CCND3: variants seen among roughly 807,000 people sequenced by gnomAD.
The protein encoded by CCND3 is G1/S-specific cyclin-D3.
CCND3 carries 9 observed loss-of-function variants against 28.7 expected under a neutral mutation model. That is an observed-to-expected ratio of 0.31 (90% CI 0.19 to 0.55). The LOEUF (loss-of-function observed/expected upper bound fraction) is 0.55. Among genes scored for constraint, CCND3 ranks in the 20% least tolerant of loss-of-function variants. The probability of loss-of-function intolerance (pLI) is 0.93; values close to 1 mark genes in which losing one functional copy is unlikely to be tolerated. For missense variants in CCND3, 315 were observed against 385.8 expected (o/e 0.82, Z 1.54); for synonymous variants, 164 against 163.9 (o/e 1.00, Z 0.00).
At chr6:41,995,811 T>C (rs1561978301) in intron 1 of CCND3, among the ~76,000 whole-genome samples, 2 of 151,756 alleles carry the variant, frequency 1.3e-5, no homozygotes, top group African/African-American at 4.8e-5. Context: ...CCTAACACTT[T>C]GGGAGGCCGA....
chr6:42,016,256 A>G (rs540813665), intron 1 of CCND3, among the ~76,000 whole-genome samples: 1 of 152,318 alleles, frequency 6.6e-6, no homozygotes, highest in East Asian at 1.9e-4. Flanking sequence ...TTTACTAACC[A>G]TAGTCACCAT....
intron 1 of CCND3, among the ~76,000 whole-genome samples, chr6:42,016,527 C>T (rs78141248): frequency 0.027 from 4,029 of 151,526 alleles, 179 homozygotes; most frequent in African/African-American, 0.09. Context: ...AGACTCACAA[C>T]ACTCAACACG....
intron 1 of CCND3, among the ~76,000 whole-genome samples, chr6:41,991,339 G>A (rs796486280): frequency 6.6e-5 from 10 of 152,316 alleles, no homozygotes; most frequent in African/African-American, 2.2e-4. Flanking sequence ...GATTATAGGC[G>A]TAAGCCACCA....
At position 41,935,980 on chromosome 6, in the gene CCND3, T is replaced by A. The variant is rs1259819210; in HGVS notation, c.839A>T (p.Gln280Leu). The change falls in exon 5 of 5, where the codon CAG (glutamine) becomes CTG (leucine). Residue 280 changes from glutamine (Q) to leucine (L), a missense_variant. By Grantham distance (113) the Gln-to-Leu change is moderately radical. Transcript: ENST00000372991. The part of the protein sequence containing the change: ...PRGSSSQGPS[Q>L]TSTPTDVTAI... ...TGTGACATCTGTAGGAGTGCTGGTC[T>A]GGCTGGGCCCTTGGCTGCTGGAGCC... 2.5e-6 allele frequency: 4 copies of A among 1,613,254 alleles called. No individual in the cohort carries two copies. In the African/African-American group the frequency reaches 5.3e-5, roughly 22 times the overall value.
Position 41,941,806 on chromosome 6 carries a change from G to A in CCND3, c.-157C>T. 1 of 328,876 alleles carries A rather than the reference G, an allele frequency of 3.0e-6. No homozygotes were observed. The highest frequency in any genetic ancestry group is 5.3e-6 in the Non-Finnish European group (1 of 188,332). 20.4% of individuals were successfully genotyped at this position (328,876 alleles called of 1,614,324 possible). ...GCCCGCGCGCGCGCGCCGCTTCCCT[G>A]ACAGGCGCCCCGCCCCTCGCGACGA... is the stretch of plus-strand genomic sequence containing the variant. On this transcript the variant is annotated 5_prime_UTR_variant, in exon 1 of 5. Transcript: ENST00000372991. This position sits in a 1 kb window ranked among gnomAD's most constrained non-coding sequence, Gnocchi z 6.1.
chr6:42,033,458 AT>A (rs199747361), intron 1 of CCND3, among the ~76,000 whole-genome samples: 4,396 of 113,210 alleles, frequency 0.039, 221 homozygotes, highest in African/African-American at 0.12. Flanking sequence ...TAAAAAAAAA[AT>A]ATATATATAT....
chr6:42,047,943 A>G (rs1042016863), intron 1 of CCND3: 1 of 152,424 alleles, frequency 6.6e-6, no homozygotes, highest in Admixed American at 6.5e-5. Context: ...AGCATTCCAT[A>G]TAATGCCAGG....
intron 1 of CCND3, among the ~76,000 whole-genome samples, chr6:41,969,123 C>T (rs1264182565): frequency 6.6e-6 from 1 of 152,028 alleles, no homozygotes; most frequent in Non-Finnish European, 1.5e-5. Flanking sequence ...AGACGGCTCC[C>T]CAGATTACAT....
In CCND3 at chr6:42,048,743, G is replaced by A. The variant is rs1411789325; in HGVS notation, c.-288C>T. Reference sequence around the variant, plus strand: ...AGCTGGGCAGGAAGTGGGGAAGAGGGGGCGGAGGAGACAAAGGGGCTGGTG... The same window carrying A: ...AGCTGGGCAGGAAGTGGGGAAGAGGAGGCGGAGGAGACAAAGGGGCTGGTG... On this transcript the variant is annotated 5_prime_UTR_variant, in exon 1 of 5. Coordinates refer to the CCND3 transcript ENST00000372988. The surrounding 1 kb of genome is among the most constrained non-coding windows in gnomAD (Gnocchi z 4.7). 1 of 489,516 alleles carries A rather than the reference G, an allele frequency of 2.0e-6. No individual in the cohort carries two copies. The allele number at this position is 489,516 out of a possible 1,614,324, so 30.3% of individuals were successfully genotyped here.
chr6:42,036,363 G>GGAGTGC (rs1185713402), intron 1 of CCND3, among the ~76,000 whole-genome samples: 11 of 125,804 alleles, frequency 8.7e-5, no homozygotes, highest in African/African-American at 3.3e-4. Context: ...TGCCCAGGCT[G>GGAGTGC]GAGTGCATAT....
At chr6:41,963,108 T>C (rs957693000) in intron 1 of CCND3, among the ~76,000 whole-genome samples, 11 of 152,234 alleles carry the variant, frequency 7.2e-5, no homozygotes, top group African/African-American at 2.7e-4. Context: ...TCCAGCCTTA[T>C]CTTTGCTTCC....
intron 1 of CCND3, among the ~76,000 whole-genome samples, chr6:41,975,371 A>G (rs1416045548): frequency 6.6e-6 from 1 of 152,118 alleles, no homozygotes; most frequent in Non-Finnish European, 1.5e-5. Flanking sequence ...AAGCGAGGGT[A>G]TCTCATTCCC....
intron 1 of CCND3, among the ~76,000 whole-genome samples, chr6:41,979,171 CAAAA>C (rs58797317): frequency 3.4e-5 from 3 of 87,528 alleles, no homozygotes; most frequent in African/African-American, 9.1e-5. Context: ...AACTCTGTCT[CAAAA>C]AAAAAAAAAA....
At position 42,041,588 on chromosome 6, in the gene CCND3, A is replaced by G. The variant is rs964165171; in HGVS notation, c.-46+6913T>C. On this transcript the variant is annotated intron_variant, in intron 1 of 4. Coordinates refer to the CCND3 transcript ENST00000372988. ...AAGACAATGGAGCTGGGAGGAAAGG[A>G]AAAGGCAGCCTTGCATCCTAGGGGC... Among the ~76,000 whole-genome samples, 8 of 152,184 alleles carry G rather than the reference A, an allele frequency of 5.3e-5. No individual in the cohort carries two copies. The South Asian group carries it at 1.7e-3, about 32-fold the overall frequency.
At chr6:42,013,736 A>G (rs915684663) in intron 1 of CCND3, among the ~76,000 whole-genome samples, 4 of 152,158 alleles carry the variant, frequency 2.6e-5, no homozygotes, top group African/African-American at 9.7e-5. Flanking sequence ...GGCTCTCTCA[A>G]TCTACATTTC....
chr6:42,027,883 GA>G (rs1171803077), intron 1 of CCND3, among the ~76,000 whole-genome samples: 2 of 152,116 alleles, frequency 1.3e-5, no homozygotes, highest in Non-Finnish European at 2.9e-5. Context: ...AAGTAGCTGG[GA>G]TTACAGGCTC....
chr6:42,035,175 G>A (rs1764168069), intron 1 of CCND3, among the ~76,000 whole-genome samples: 1 of 152,184 alleles, frequency 6.6e-6, no homozygotes, highest in Admixed American at 6.5e-5. Flanking sequence ...AGGAATGCCA[G>A]CAGCAAACTA....
Position 41,935,617 on chromosome 6 carries a change from T to TCG in CCND3, c.*322_*323insCG. 2.3e-6 allele frequency: 1 copy of TCG among 428,694 alleles called. No homozygotes were observed. Among genetic ancestry groups the TCG allele is most frequent in the Non-Finnish European group, 4.2e-6 (1 of 237,812 alleles). 26.6% of individuals were successfully genotyped at this position (428,694 alleles called of 1,614,324 possible). Reference sequence around the variant, plus strand: ...TTGAAAACATGAGAGCCCCCAGGGGTGGGGGGGGGCGTTCAAAAGGAATGC... The same window carrying TCG: ...TTGAAAACATGAGAGCCCCCAGGGGTCGGGGGGGGGGCGTTCAAAAGGAATGC... On this transcript the variant is annotated 3_prime_UTR_variant, in exon 5 of 5. Coordinates refer to ENST00000372991, the MANE Select transcript of CCND3 (RefSeq NM_001760.5).
intron 3 of CCND3, 40 bp downstream of exon 3, chr6:41,937,195 G>C (rs765784325): frequency 6.2e-7 from 1 of 1,609,132 alleles, no homozygotes; most frequent in Admixed American, 1.7e-5. Context: ...TAAGTCTTCT[G>C]ATTTTTCCAA....
Sources: gnomAD v4.1 joint callset for allele counts (sites outside exome capture counted in the v4.1 genomes callset) on GRCh38, gnomAD v4.1.1 for gene constraint, Gnocchi (gnomAD v3.1) non-coding constraint, MANE v1.5 for transcripts, NCBI Gene and HGNC (gene_info 2026-07-23, HGNC 2026-07-21) for gene names.